HIF3A: variants seen among roughly 807,000 people sequenced by gnomAD.
The protein encoded by HIF3A is hypoxia-inducible factor 3-alpha.
In HIF3A, 41 loss-of-function variants were observed where a neutral mutation model predicts 67.2. The observed-to-expected ratio is 0.61, with a 90% CI of 0.48 to 0.79. The LOEUF (loss-of-function observed/expected upper bound fraction) is 0.79. Among genes scored for constraint, HIF3A ranks in the 30% least tolerant of loss-of-function variants. The pLI is 0.00. For missense variants in HIF3A, 855 were observed against 898.0 expected, an observed-to-expected ratio of 0.95 and a Z score of 0.61; for synonymous variants, 356 against 374.8, an observed-to-expected ratio of 0.95 and a Z score of 0.58.
intron 1 of HIF3A, among the ~76,000 whole-genome samples, chr19:46,299,173 C>T (rs1968115895): frequency 6.6e-6 from 1 of 152,236 alleles, no homozygotes; most frequent in Non-Finnish European, 1.5e-5. Flanking sequence ...CCAAGCTGGG[C>T]AGAGTGCCAG....
chr19:46,312,119 C>A lies in HIF3A; in HGVS notation c.771-42C>A, dbSNP rs747424305. 21 of 1,440,966 alleles carry A rather than the reference C, an allele frequency of 1.5e-5. No individual in the cohort carries two copies. The South Asian group carries it at 2.3e-4, about 16-fold the overall frequency. The allele number at this position is 1,440,966 out of a possible 1,614,324, so 89.3% of individuals were successfully genotyped here. A position where few individuals can be genotyped will look rare whatever the true frequency, so the allele number is the denominator to read the frequency against. The stretch of plus-strand genomic sequence containing the variant: ...TCCCTCTGCCTACCCTCTCTCTCAC[C>A]CAGTAGCATCCTGACCAGACCCCAC... On this transcript the variant is annotated intron_variant, in intron 6 of 14. Coordinates refer to ENST00000377670, the MANE Select transcript of HIF3A (RefSeq NM_152795.4).
At chr19:46,308,328 T>G in intron 4 of HIF3A, 23 bp downstream of exon 4, 2 of 1,489,760 alleles carry the variant, frequency 1.3e-6, no homozygotes. Flanking sequence ...GAGGCCTCTG[T>G]CCCCACCATA....
In HIF3A at chr19:46,309,143, G is replaced by A. The variant is rs372456478; in HGVS notation, c.562-8G>A. The A allele has an allele frequency of 2.1e-5, 34 of 1,608,804 alleles. No homozygotes were observed. The highest frequency in any genetic ancestry group is 2.7e-5 in the African/African-American group (2 of 74,748). ...ACCACTGCCTTGTCCCCTCATCTCGGCCCCCAGGTGCTGAACTGCTCTGGA... is the reference window on the plus strand; with the variant it reads ...ACCACTGCCTTGTCCCCTCATCTCGACCCCCAGGTGCTGAACTGCTCTGGA... On this transcript the variant is annotated splice_region_variant and splice_polypyrimidine_tract_variant and intron_variant, in intron 5 of 14. Coordinates refer to ENST00000377670, the MANE Select transcript of HIF3A (RefSeq NM_152795.4).
chr19:46,308,739 C>G lies in HIF3A; in HGVS notation c.525C>G (p.Arg175=), dbSNP rs370349549. The change falls in exon 5 of 15, where the codon CGC becomes CGG. Residue 175 remains arginine (R), a synonymous_variant. Coordinates refer to ENST00000377670, the MANE Select transcript of HIF3A (RefSeq NM_152795.4). ...SLRMKSTLTS[R]GRTLNLKAAT... ...GCATGAAGAGTACACTCACCAGCCG[C>G]GGGCGCACCCTCAACCTCAAGGCGG... 7.0e-5 allele frequency: 112 copies of G among 1,609,990 alleles called. No homozygotes were observed. Among genetic ancestry groups the G allele is most frequent in the Non-Finnish European group, 9.0e-5 (106 of 1,178,308 alleles).
At chr19:46,300,518 A>G (rs1968231618) in intron 1 of HIF3A, among the ~76,000 whole-genome samples, 1 of 152,142 alleles carries the variant, frequency 6.6e-6, no homozygotes, top group Admixed American at 6.6e-5. Context: ...AAAATTACCC[A>G]GGCATGGTGG....
Position 46,312,911 on chromosome 19 carries a change from T to G in HIF3A, c.1025+258T>G, listed in dbSNP as rs1334681433. ...TTTTTTTTTTTTTTTTTTTTTTTTT[T>G]GCGTGAACCTCTGCTTAAGTGGATT... is the stretch of plus-strand genomic sequence containing the variant. On this transcript the variant is annotated intron_variant, in intron 8 of 14. Coordinates refer to ENST00000377670, the MANE Select transcript of HIF3A (RefSeq NM_152795.4). 28 of 680,544 alleles carry G rather than the reference T, an allele frequency of 4.1e-5. No individual in the cohort carries two copies. In the African/African-American group the frequency reaches 6.4e-4, roughly 16 times the overall value. The allele number at this position is 680,544 out of a possible 1,614,324, so 42.2% of individuals were successfully genotyped here.
rs942323164 is a variant in HIF3A, at chr19:46,315,224, G to A, written c.1025+2571G>A. Among the ~76,000 whole-genome samples the A allele has an allele frequency of 9.6e-5, 14 of 145,766 alleles. 3 individuals are homozygous for A. Among genetic ancestry groups the A allele is most frequent in the East Asian group, 2.3e-4 (1 of 4,270 alleles). Reference sequence around the variant, plus strand: ...TGGGATTATAGGCGCGCACCAACACGCCCAGCTAATTTTTATATTTTTAAT... The same window carrying A: ...TGGGATTATAGGCGCGCACCAACACACCCAGCTAATTTTTATATTTTTAAT... On this transcript the variant is annotated intron_variant, in intron 8 of 14. Coordinates refer to ENST00000377670, the MANE Select transcript of HIF3A (RefSeq NM_152795.4).
chr19:46,307,425 G>A (rs1282640045), intron 3 of HIF3A, among the ~76,000 whole-genome samples: 1 of 150,860 alleles, frequency 6.6e-6, no homozygotes, highest in Non-Finnish European at 1.5e-5. Flanking sequence ...AACATGGTGA[G>A]ACCCCCATTT....
At chr19:46,298,726 G>A (rs1391817947) in intron 1 of HIF3A, among the ~76,000 whole-genome samples, 1 of 152,068 alleles carries the variant, frequency 6.6e-6, no homozygotes, top group Non-Finnish European at 1.5e-5. Flanking sequence ...AGGCAGAGTC[G>A]GGGGGCAGAG....
In HIF3A at chr19:46,308,221, C is replaced by T; in HGVS notation, c.364C>T (p.Leu122=). 6.2e-7 allele frequency: 1 copy of T among 1,613,018 alleles called. No individual in the cohort carries two copies. Among genetic ancestry groups the T allele is most frequent in the South Asian group, 1.1e-5 (1 of 91,064 alleles). ...CCCCCACCCCTCTCATCCCTGGCAG[C>T]TGGAGCTCATTGGACACAGCATCTT... ...NVSKHLGLSQ[L]ELIGHSIFDF... Residue 122 remains leucine, a splice_region_variant and synonymous_variant, in exon 4 of 15, where the codon CTG becomes TTG. Transcript: ENST00000377670.
At chr19:46,331,133 G>A in intron 12 of HIF3A, 23 bp from the exon 13 acceptor site, 1 of 1,593,286 alleles carries the variant, frequency 6.3e-7, no homozygotes, top group Non-Finnish European at 8.6e-7. Context: ...TGTGTCCTGA[G>A]ATTCTTGCCT....
rs765301179 is a variant in HIF3A at position 46,325,548 on chromosome 19, A to C, written c.1349A>C (p.Asp450Ala). ...PQSPLSADLP[D>A]ELPVGTENVH... ...ATCTCTCCACAGGCTGATCTCCCAG[A>C]TGAACTACCTGTGGGCACCGAGAAT... The change falls in exon 11 of 15, where the codon GAT (aspartate) becomes GCT (alanine). Residue 450 changes from aspartate to alanine, a missense_variant. Coordinates refer to ENST00000377670, the MANE Select transcript of HIF3A (RefSeq NM_152795.4). The C allele has an allele frequency of 1.9e-6, 3 of 1,612,724 alleles. No individual in the cohort carries two copies. The South Asian group carries it at 3.3e-5, about 18-fold the overall frequency.
At chr19:46,325,426 A>C (rs1970710090) in intron 10 of HIF3A, 109 bp from the exon 11 acceptor site, 2 of 747,784 alleles carry the variant, frequency 2.7e-6, no homozygotes, top group East Asian at 5.0e-5. Context: ...TTTGTGCCCC[A>C]GATGCCTGGC....
intron 3 of HIF3A, among the ~76,000 whole-genome samples, chr19:46,305,760 G>GA (rs200959632): frequency 2.2e-3 from 325 of 149,434 alleles, no homozygotes; most frequent in African/African-American, 6.7e-3. Flanking sequence ...AAGAGGTGAG[G>GA]AAAAAAAAAC....
In HIF3A at chr19:46,320,473, C is replaced by A; in HGVS notation, c.1056C>A (p.Ser352=). The change falls in exon 9 of 15, where the codon TCC becomes TCA. Residue 352 remains serine, a synonymous_variant. Transcript: ENST00000377670. Reference sequence around the variant, plus strand: ...TGGAAGAGACCGGAGTGGTGCTGTCCCTGGAGCAAACGGAGCAACACTCTC... The same window carrying A: ...TGGAAGAGACCGGAGTGGTGCTGTCACTGGAGCAAACGGAGCAACACTCTC... ...SQVEETGVVL[S]LEQTEQHSRR... 1 of 1,614,102 alleles carries A rather than the reference C, an allele frequency of 6.2e-7. No homozygotes were observed. Among genetic ancestry groups the A allele is most frequent in the Non-Finnish European group, 8.5e-7 (1 of 1,179,984 alleles).
chr19:46,328,523 A>G (rs1970953119), intron 11 of HIF3A, among the ~76,000 whole-genome samples: 1 of 152,202 alleles, frequency 6.6e-6, no homozygotes, highest in Admixed American at 6.5e-5. Context: ...TGGGAATCTT[A>G]GCTGGATCAC....
rs1388209463 is a variant in HIF3A, at chr19:46,309,290, C to T, written c.701C>T (p.Pro234Leu). 6.2e-7 allele frequency: 1 copy of T among 1,613,528 alleles called. No homozygotes were observed. Among genetic ancestry groups the T allele is most frequent in the Non-Finnish European group, 8.5e-7 (1 of 1,179,844 alleles). The part of the protein sequence containing the change: ...EAIPHPGSLE[P>L]PLGRGAFLSR... ...ATCCCCCACCCAGGCAGCCTGGAGC[C>T]CCCACTGGGCCGAGGGGCCTTCCTC... The change falls in exon 6 of 15, where the codon CCC becomes CTC. Residue 234 changes from proline to leucine, a missense_variant. Physicochemically the swap from Pro to Leu is moderately conservative, Grantham distance 98 (BLOSUM62 -3). This residue lies in a region of HIF3A where 638 missense variants were observed against 660.5 expected (regional missense o/e 0.97). Coordinates refer to ENST00000377670, the MANE Select transcript of HIF3A (RefSeq NM_152795.4).
At chr19:46,332,937 G>A (rs1004262153) in intron 13 of HIF3A, among the ~76,000 whole-genome samples, 5 of 150,898 alleles carry the variant, frequency 3.3e-5, no homozygotes, top group Middle Eastern at 3.4e-3. Flanking sequence ...AGCCGAGATC[G>A]CGCCATTGCA....
At chr19:46,324,714 C>T (rs1400263243) in intron 10 of HIF3A, among the ~76,000 whole-genome samples, 1 of 151,308 alleles carries the variant, frequency 6.6e-6, no homozygotes, top group Non-Finnish European at 1.5e-5. Context: ...ATTAGCCAGG[C>T]GTGGTGGAGG....
Sources: allele counts gnomAD v4.1 joint callset (sites outside exome capture counted in the v4.1 genomes callset), GRCh38; gene constraint gnomAD v4.1.1; regional missense constraint gnomAD v4.1.1; transcripts MANE v1.5; gene names NCBI Gene and HGNC (gene_info 2026-07-23, HGNC 2026-07-21).